FSTL1: variants seen among roughly 807,000 people sequenced by gnomAD.
FSTL1 encodes the protein follistatin like 1.
Under a neutral mutation model 45.9 loss-of-function variants are expected in FSTL1, and 24 were observed. That is an observed-to-expected ratio of 0.52 (90% CI 0.38 to 0.74). FSTL1 has a LOEUF of 0.74. FSTL1 is among the 30% of genes least tolerant of loss of function. The probability of loss-of-function intolerance (pLI) is 0.00; values close to 1 mark genes in which losing one functional copy is unlikely to be tolerated. For synonymous variants in FSTL1, 120 were observed against 137.6 expected (o/e 0.87, Z 0.89); for missense variants, 340 against 381.8 (o/e 0.89, Z 0.91).
intron 10 of FSTL1, 75 bp from the exon 11 acceptor site, chr3:120,397,071 A>C: frequency 8.7e-7 from 1 of 1,155,408 alleles, no homozygotes; most frequent in Middle Eastern, 1.9e-4. Flanking sequence ...CCTCAAGACT[A>C]TATAGCATTG....
chr3:120,402,696 T>G, intron 9 of FSTL1, 112 bp downstream of exon 9: 1 of 733,586 alleles, frequency 1.4e-6, no homozygotes, highest in Non-Finnish European at 2.5e-6. Flanking sequence ...CCTGGGTTCC[T>G]TGCTCCCAGC....
chr3:120,416,969 CA>C (rs1352563452), intron 2 of FSTL1, among the ~76,000 whole-genome samples: 2 of 152,186 alleles, frequency 1.3e-5, no homozygotes, highest in East Asian at 3.9e-4. Flanking sequence ...CCACCTCATT[CA>C]CCACTCAACC....
In FSTL1 at chr3:120,402,867, T is replaced by G. The variant is rs895437377; in HGVS notation, c.746A>C (p.Asp249Ala). Reference sequence around the variant, plus strand: ...ACAGGCACAGACACAGCGGTTACAGTCCACCTCGGTCTCAGCTCCATCTGC... The same window carrying G: ...ACAGGCACAGACACAGCGGTTACAGGCCACCTCGGTCTCAGCTCCATCTGC... ...TYADGAETEV[D>A]CNRCVCACGN... Residue 249 changes from aspartate (D) to alanine (A), a missense_variant, in exon 9 of 11, where the codon GAC becomes GCC. Physicochemically the swap from Asp to Ala is moderately radical, Grantham distance 126 (BLOSUM62 -2). Coordinates refer to ENST00000295633, the MANE Select transcript of FSTL1 (RefSeq NM_007085.5). The G allele has an allele frequency of 1.4e-5, 22 of 1,613,588 alleles. No homozygotes were observed. The highest frequency in any genetic ancestry group is 1.8e-5 in the Non-Finnish European group (21 of 1,179,706).
chr3:120,433,222 TC>T (rs1937508107), intron 2 of FSTL1, among the ~76,000 whole-genome samples: 1 of 152,228 alleles, frequency 6.6e-6, no homozygotes, highest in African/African-American at 2.4e-5. Context: ...TATTTACTAT[TC>T]AGCTAGCCTC....
chr3:120,434,242 C>T (rs528990421), intron 2 of FSTL1, among the ~76,000 whole-genome samples: 30 of 152,188 alleles, frequency 2.0e-4, no homozygotes, highest in Admixed American at 2.0e-3. Flanking sequence ...TGGGTATGAA[C>T]AGAGAAAGTG....
At chr3:120,442,592 C>T (rs1937645315) in intron 2 of FSTL1, among the ~76,000 whole-genome samples, 1 of 151,770 alleles carries the variant, frequency 6.6e-6, no homozygotes, top group African/African-American at 2.4e-5. Flanking sequence ...CCAGCCTGGC[C>T]AACTAGGTGA....
At chr3:120,435,370 C>G (rs1035915276) in intron 2 of FSTL1, among the ~76,000 whole-genome samples, 2 of 152,178 alleles carry the variant, frequency 1.3e-5, no homozygotes, top group African/African-American at 2.4e-5. Flanking sequence ...CTAAAATTAA[C>G]AGAGTTTCCC....
At chr3:120,411,238 G>C in intron 4 of FSTL1, 1 of 379,106 alleles carries the variant, frequency 2.6e-6, no homozygotes, top group Non-Finnish European at 4.9e-6. Context: ...TTGCATTGAG[G>C]GGTCACTGGG....
Position 120,409,904 on chromosome 3 carries a change from A to T in FSTL1, c.332-242T>A, listed in dbSNP as rs1576212020. On this transcript the variant is annotated intron_variant, in intron 5 of 10. Transcript: ENST00000295633. ...TTGAAACAGAGAGATTTTGCTGCTT[A>T]TGTGAGAAATAACTAGAGCAGAAAA... 16 of 346,050 alleles carry T rather than the reference A, an allele frequency of 4.6e-5. No individual in the cohort carries two copies. The East Asian group carries it at 7.6e-4, about 16-fold the overall frequency. The allele number at this position is 346,050 out of a possible 1,614,324, so 21.4% of individuals were successfully genotyped here. A position where few individuals can be genotyped will look rare whatever the true frequency, so the allele number is the denominator to read the frequency against.
At chr3:120,447,774 G>A (rs891250235) in intron 2 of FSTL1, among the ~76,000 whole-genome samples, 23 of 152,164 alleles carry the variant, frequency 1.5e-4, no homozygotes, top group Non-Finnish European at 4.4e-5. Context: ...TCAGCCTCCT[G>A]AGTAGCTGGG....
chr3:120,412,036 GACACACACAC>G, intron 3 of FSTL1, 53 bp from the exon 4 acceptor site: 2 of 1,425,878 alleles, frequency 1.4e-6, no homozygotes, highest in Non-Finnish European at 1.9e-6. Flanking sequence ...TCGACACACA[GACACACACAC>G]ACACATACAT....
chr3:120,409,684 C>G, intron 5 of FSTL1, 22 bp from the exon 6 acceptor site: 1 of 1,612,756 alleles, frequency 6.2e-7, no homozygotes. Context: ...TGGAGGATGT[C>G]AGCTGGAGCA....
chr3:120,426,754 C>T (rs975830320), intron 2 of FSTL1, among the ~76,000 whole-genome samples: 2 of 152,336 alleles, frequency 1.3e-5, no homozygotes, highest in African/African-American at 2.4e-5. Context: ...TCACCTACTG[C>T]CTTCTACCTG....
chr3:120,406,124 T>G (rs975068363), intron 6 of FSTL1, among the ~76,000 whole-genome samples: 1 of 152,104 alleles, frequency 6.6e-6, no homozygotes, highest in African/African-American at 2.4e-5. Context: ...AAGGTGTGCA[T>G]GAAACAACTA....
intron 2 of FSTL1, chr3:120,419,077 G>A (rs187076022): frequency 7.2e-5 from 11 of 152,396 alleles, no homozygotes; most frequent in African/African-American, 2.6e-4. Context: ...TGACACGTCT[G>A]TCAATAGGTG....
In FSTL1 at chr3:120,396,509, C is replaced by G. The variant is rs1036047996; in HGVS notation, c.*443G>C. The G allele has an allele frequency of 6.3e-6, 1 of 159,512 alleles. No individual in the cohort carries two copies. The highest frequency in any genetic ancestry group is 1.4e-5 in the Non-Finnish European group (1 of 72,690). 9.9% of individuals were successfully genotyped at this position (159,512 alleles called of 1,614,324 possible). ...GGATGCTGGAGGTCTGTCATGCTGA[C>G]GGCAATGGAAAGAGGCTGGAAGCAG... On this transcript the variant is annotated 3_prime_UTR_variant, in exon 11 of 11. Coordinates refer to ENST00000295633, the MANE Select transcript of FSTL1 (RefSeq NM_007085.5).
intron 3 of FSTL1, among the ~76,000 whole-genome samples, chr3:120,412,823 C>CGCGCGCGCGT (rs1173586832): frequency 2.0e-5 from 1 of 48,822 alleles, no homozygotes; most frequent in East Asian, 5.1e-4. Context: ...CACATGTGCG[C>CGCGCGCGCGT]GCGCGCGCGC....
At position 120,396,934 on chromosome 3, in the gene FSTL1, C is replaced by T. The variant is rs201702872; in HGVS notation, c.*18G>A. 4.4e-6 allele frequency: 7 copies of T among 1,591,890 alleles called. No individual in the cohort carries two copies. The highest frequency in any genetic ancestry group is 5.2e-6 in the Non-Finnish European group (6 of 1,159,622). ...TGGAGAAGATGCTGGGATCCAGACACTGGTCTGTGCCTCCTCATTAGATCT... is the reference window on the plus strand; with the variant it reads ...TGGAGAAGATGCTGGGATCCAGACATTGGTCTGTGCCTCCTCATTAGATCT... On this transcript the variant is annotated 3_prime_UTR_variant, in exon 11 of 11. Transcript: ENST00000295633.
At chr3:120,423,572 A>C (rs1194832764) in intron 2 of FSTL1, 1 of 152,138 alleles carries the variant, frequency 6.6e-6, no homozygotes, top group Non-Finnish European at 1.5e-5. Context: ...TGACTGAGGT[A>C]AGAGTCAGAC....
Sources: gnomAD v4.1 joint callset for allele counts (sites outside exome capture counted in the v4.1 genomes callset) on GRCh38, gnomAD v4.1.1 for gene constraint, MANE v1.5 for transcripts, NCBI Gene and HGNC (gene_info 2026-07-23, HGNC 2026-07-21) for gene names.